The following KCNQ1 variants were observed in gnomAD, a reference collection of about 807,000 sequenced individuals.
The protein encoded by KCNQ1 is potassium voltage-gated channel subfamily Q member 1, also known as potassium voltage-gated channel subfamily KQT member 1.
KCNQ1 carries 49 observed loss-of-function variants against 72.4 expected under a neutral mutation model. That is an observed-to-expected ratio of 0.68 (90% CI 0.54 to 0.86). The LOEUF is 0.86. KCNQ1 is among the 40% of genes least tolerant of loss of function. The probability of loss-of-function intolerance (pLI) is 0.00; values close to 1 mark genes in which losing one functional copy is unlikely to be tolerated. For synonymous variants in KCNQ1, 450 were observed against 412.6 expected, an observed-to-expected ratio of 1.09 and a Z score of -1.10; for missense variants, 790 against 945.1, an observed-to-expected ratio of 0.84 and a Z score of 2.15.
intron 10 of KCNQ1, chr11:2,644,983 A>G: frequency 2.5e-6 from 1 of 398,636 alleles, no homozygotes. Flanking sequence ...ATGGTAGTGT[A>G]TGCTGGTACC....
Position 2,762,650 on chromosome 11 carries a change from C to T in KCNQ1, c.1515-6194C>T, listed in dbSNP as rs376694836. 4.6e-5 allele frequency among the ~76,000 whole-genome samples: 7 copies of T among 152,202 alleles called. No individual in the cohort carries two copies. The highest frequency in any genetic ancestry group is 6.5e-5 in the Admixed American group (1 of 15,282). On this transcript the variant is annotated intron_variant, in intron 11 of 15. Transcript: ENST00000155840. The surrounding 1 kb of genome is among the most constrained non-coding windows in gnomAD (Gnocchi z 4.3). ...CAAGTGAACGTGATCACCTGAGCTC[C>T]GCCTCCTGTCAGATCAGTGGTGGCA...
chr11:2,762,306 ATAT>A lies in KCNQ1; in HGVS notation c.1515-6534_1515-6532del, dbSNP rs1243654143. Among the ~76,000 whole-genome samples the A allele has an allele frequency of 6.6e-6, 1 of 152,134 alleles. No homozygotes were observed. Among genetic ancestry groups the A allele is most frequent in the Non-Finnish European group, 1.5e-5 (1 of 68,014 alleles). ...TCTTTGCCCATCCCAGGTCGTGAAA[ATAT>A]TATCCAACTTTCTTCGACAGGCCCG... On this transcript the variant is annotated intron_variant, in intron 11 of 15. Transcript: ENST00000155840. The surrounding 1 kb of genome is among the most constrained non-coding windows in gnomAD (Gnocchi z 4.3).
Position 2,608,199 on chromosome 11 carries a change from A to G in KCNQ1, c.1393+19345A>G, listed in dbSNP as rs1848912552. ...TGTTGGAAGAGGTCATAAAGAATTG[A>G]TATTCTTTAGATATTTGTTAGATTC... On this transcript the variant is annotated intron_variant, in intron 10 of 15. Coordinates refer to ENST00000155840, the MANE Select transcript of KCNQ1 (RefSeq NM_000218.3). This position sits in a 1 kb window ranked among gnomAD's most constrained non-coding sequence, Gnocchi z 4.6. 5.1e-6 allele frequency: 2 copies of G among 390,804 alleles called. No individual in the cohort carries two copies. Among genetic ancestry groups the G allele is most frequent in the Admixed American group, 8.9e-5 (2 of 22,382 alleles). 24.2% of individuals were successfully genotyped at this position (390,804 alleles called of 1,614,324 possible).
intron 1 of KCNQ1, among the ~76,000 whole-genome samples, chr11:2,445,973 G>T (rs1846031064): frequency 6.6e-6 from 1 of 152,178 alleles, no homozygotes; most frequent in African/African-American, 2.4e-5. Flanking sequence ...ATAGGAAGGT[G>T]ACGGTGGCGG....
intron 15 of KCNQ1, 45 bp downstream of exon 15, chr11:2,778,082 G>A: frequency 6.3e-7 from 1 of 1,576,888 alleles, no homozygotes; most frequent in East Asian, 2.2e-5. Flanking sequence ...TAGCGTCCTG[G>A]GGCCAGCAGG....
chr11:2,646,792 A>C, intron 10 of KCNQ1: 1 of 398,626 alleles, frequency 2.5e-6, no homozygotes, highest in Non-Finnish European at 4.4e-6. Context: ...CTGAAATTAC[A>C]AGCATGAGCC....
chr11:2,705,329 A>G (rs1449652892), intron 11 of KCNQ1, among the ~76,000 whole-genome samples: 1 of 152,062 alleles, frequency 6.6e-6, no homozygotes, highest in Non-Finnish European at 1.5e-5. Flanking sequence ...TTGGGAGGGC[A>G]GCTGTGCTGT....
In KCNQ1 at chr11:2,715,329, G is replaced by A. The variant is rs1001303010; in HGVS notation, c.1514+53248G>A. The stretch of plus-strand genomic sequence containing the variant: ...AAAGACCTGCGGGCTGTGTCATGGA[G>A]GGCCCTTACCCCGGAGGAGCCAGGA... On this transcript the variant is annotated intron_variant, in intron 11 of 15. Transcript: ENST00000155840. This position sits in a 1 kb window ranked among gnomAD's most constrained non-coding sequence, Gnocchi z 4.9. Among the ~76,000 whole-genome samples, 1 of 152,146 alleles carries A rather than the reference G, an allele frequency of 6.6e-6. No individual in the cohort carries two copies. The highest frequency in any genetic ancestry group is 1.5e-5 in the Non-Finnish European group (1 of 68,016).
rs1848783700 is a variant in KCNQ1, at chr11:2,600,305, G to A, written c.1393+11451G>A. 6.6e-6 allele frequency among the ~76,000 whole-genome samples: 1 copy of A among 152,098 alleles called. No homozygotes were observed. The highest frequency in any genetic ancestry group is 2.4e-5 in the African/African-American group (1 of 41,402). ...TGAGCTAAAGCAGTCCCTCAGGATT[G>A]TTTCTTAAAACAAAACAAACTGTTT... is the stretch of plus-strand genomic sequence containing the variant. On this transcript the variant is annotated intron_variant, in intron 10 of 15. Transcript: ENST00000155840. This position sits in a 1 kb window ranked among gnomAD's most constrained non-coding sequence, Gnocchi z 5.6.
chr11:2,617,297 T>C lies in KCNQ1; in HGVS notation c.1393+28443T>C, dbSNP rs1369582695. The C allele has an allele frequency of 1.8e-5, 7 of 398,350 alleles. No individual in the cohort carries two copies. The highest frequency in any genetic ancestry group is 3.1e-5 in the Non-Finnish European group (7 of 225,954). The allele number at this position is 398,350 out of a possible 1,614,324, so 24.7% of individuals were successfully genotyped here. A position where few individuals can be genotyped will look rare whatever the true frequency, so the allele number is the denominator to read the frequency against. ...TCTGTATATTTGACTTTTTTCTTTT[T>C]AAGATTCTACATATAGGTGAGATTA... On this transcript the variant is annotated intron_variant, in intron 10 of 15. Coordinates refer to ENST00000155840, the MANE Select transcript of KCNQ1 (RefSeq NM_000218.3). The surrounding 1 kb of genome is among the most constrained non-coding windows in gnomAD (Gnocchi z 4.6).
In KCNQ1 at chr11:2,826,541, G is replaced by C. The variant is rs1564907636; in HGVS notation, c.1795-21226G>C. Among the ~76,000 whole-genome samples, 1 of 152,228 alleles carries C rather than the reference G, an allele frequency of 6.6e-6. No individual in the cohort carries two copies. The highest frequency in any genetic ancestry group is 1.5e-5 in the Non-Finnish European group (1 of 68,038). ...CTTTCCCCCGCCCCCTCCTGCTGCTGCTTCCCCGAAGGCCTCCCCAGCAGA... is the reference window on the plus strand; with the variant it reads ...CTTTCCCCCGCCCCCTCCTGCTGCTCCTTCCCCGAAGGCCTCCCCAGCAGA... On this transcript the variant is annotated intron_variant, in intron 15 of 15. Transcript: ENST00000155840. This position sits in a 1 kb window ranked among gnomAD's most constrained non-coding sequence, Gnocchi z 4.2.
rs1338008829 is a variant in KCNQ1, at chr11:2,645,582, C to A, written c.1394-16379C>A. 1 of 398,548 alleles carries A rather than the reference C, an allele frequency of 2.5e-6. No homozygotes were observed. Among genetic ancestry groups the A allele is most frequent in the Admixed American group, 4.4e-5 (1 of 22,714 alleles). 24.7% of individuals were successfully genotyped at this position (398,548 alleles called of 1,614,324 possible). The stretch of plus-strand genomic sequence containing the variant: ...CAGCAGCTATAAACAGGCAGTTGGG[C>A]AATGCATGCTTCGGCCCCAGGTGGT... On this transcript the variant is annotated intron_variant, in intron 10 of 15. Coordinates refer to ENST00000155840, the MANE Select transcript of KCNQ1 (RefSeq NM_000218.3). The surrounding 1 kb of genome is among the most constrained non-coding windows in gnomAD (Gnocchi z 5.8).
rs1295702026 is a variant in KCNQ1, at chr11:2,641,887, G to A, written c.1394-20074G>A. 1.8e-5 allele frequency: 7 copies of A among 398,422 alleles called. No homozygotes were observed. The East Asian group carries it at 2.5e-4, about 14-fold the overall frequency. 24.7% of individuals were successfully genotyped at this position (398,422 alleles called of 1,614,324 possible). On this transcript the variant is annotated intron_variant, in intron 10 of 15. Coordinates refer to ENST00000155840, the MANE Select transcript of KCNQ1 (RefSeq NM_000218.3). The stretch of plus-strand genomic sequence containing the variant: ...TTCCCAGCTCCATTAAGTGAAGAGG[G>A]TGCTCTTTTCCCAGTGTATGTTCTT...
Position 2,508,331 on chromosome 11 carries a change from AG to A in KCNQ1, c.387-19595del, listed in dbSNP as rs367727708. Among the ~76,000 whole-genome samples the A allele has an allele frequency of 1.1e-3, 164 of 152,326 alleles. 1 individual carries two copies. Among genetic ancestry groups the A allele is most frequent in the African/African-American group, 3.5e-3 (145 of 41,574 alleles). Reference sequence around the variant, plus strand: ...ATATGTCTTGGAAAGACTTTAGGCCAGGAGCCCATCATTGTCCTGGAACCTG... The same window carrying A: ...ATATGTCTTGGAAAGACTTTAGGCCAGAGCCCATCATTGTCCTGGAACCTG... On this transcript the variant is annotated intron_variant, in intron 1 of 15. Coordinates refer to ENST00000155840, the MANE Select transcript of KCNQ1 (RefSeq NM_000218.3). The surrounding 1 kb of genome is among the most constrained non-coding windows in gnomAD (Gnocchi z 6.2).
intron 15 of KCNQ1, among the ~76,000 whole-genome samples, chr11:2,823,959 T>C (rs1847788983): frequency 6.6e-6 from 1 of 152,166 alleles, no homozygotes; most frequent in Admixed American, 6.5e-5. Flanking sequence ...GTGGCCAGCA[T>C]GTCACCAAAA....
chr11:2,652,127 G>A lies in KCNQ1; in HGVS notation c.1394-9834G>A, dbSNP rs1849766657. 7.5e-6 allele frequency: 3 copies of A among 398,732 alleles called. No individual in the cohort carries two copies. In the East Asian group the frequency reaches 1.1e-4, roughly 14 times the overall value. The allele number at this position is 398,732 out of a possible 1,614,324, so 24.7% of individuals were successfully genotyped here. A position where few individuals can be genotyped will look rare whatever the true frequency, so the allele number is the denominator to read the frequency against. On this transcript the variant is annotated intron_variant, in intron 10 of 15. Coordinates refer to ENST00000155840, the MANE Select transcript of KCNQ1 (RefSeq NM_000218.3). The surrounding 1 kb of genome is among the most constrained non-coding windows in gnomAD (Gnocchi z 5.9). Reference sequence around the variant, plus strand: ...GCCTGGCTGGGAGGTGGCCTGGGAAGGGACCTGTGTTTCTCAAGCCCGCGC... The same window carrying A: ...GCCTGGCTGGGAGGTGGCCTGGGAAAGGACCTGTGTTTCTCAAGCCCGCGC...
intron 10 of KCNQ1, among the ~76,000 whole-genome samples, chr11:2,607,138 C>T (rs189041359): frequency 2.0e-5 from 3 of 152,040 alleles, no homozygotes; most frequent in Admixed American, 6.6e-5. Context: ...CTCCTGACCT[C>T]GTGATCCACC....
chr11:2,679,250 C>T lies in KCNQ1; in HGVS notation c.1514+17169C>T, dbSNP rs1364118841. 1.0e-5 allele frequency: 4 copies of T among 398,530 alleles called. No individual in the cohort carries two copies. Among genetic ancestry groups the T allele is most frequent in the Non-Finnish European group, 1.8e-5 (4 of 226,104 alleles). 24.7% of individuals were successfully genotyped at this position (398,530 alleles called of 1,614,324 possible). On this transcript the variant is annotated intron_variant, in intron 11 of 15. Coordinates refer to ENST00000155840, the MANE Select transcript of KCNQ1 (RefSeq NM_000218.3). The surrounding 1 kb of genome is among the most constrained non-coding windows in gnomAD (Gnocchi z 4.8). ...CAGAGGACTACAGCTGCCTGTCCCACCCTTGGCTGTGCTCTCCTTTACTAA... is the reference window on the plus strand; with the variant it reads ...CAGAGGACTACAGCTGCCTGTCCCATCCTTGGCTGTGCTCTCCTTTACTAA...
chr11:2,786,644 C>G (rs1846921104), intron 15 of KCNQ1, among the ~76,000 whole-genome samples: 1 of 151,374 alleles, frequency 6.6e-6, no homozygotes, highest in Non-Finnish European at 1.5e-5. Flanking sequence ...TTCCAGTTCA[C>G]TAGTTGTTTC....
Sources: allele counts gnomAD v4.1 joint callset (sites outside exome capture counted in the v4.1 genomes callset), GRCh38; gene constraint gnomAD v4.1.1; non-coding constraint Gnocchi (gnomAD v3.1); transcripts MANE v1.5; gene names NCBI Gene and HGNC (gene_info 2026-07-23, HGNC 2026-07-21).